Variants in MASTL observed in about 807,000 individuals in gnomAD.
MASTL encodes the protein serine/threonine-protein kinase greatwall.
A neutral mutation model predicts 82.5 loss-of-function variants in MASTL; 54 were observed. The observed-to-expected ratio is 0.65, with a 90% CI of 0.53 to 0.82. The LOEUF is 0.82. Ranked by LOEUF, MASTL falls within the 40% of genes least tolerant of loss-of-function variation. The pLI is 0.00. For missense variants in MASTL, 950 were observed against 1,047.8 expected (o/e 0.91, Z 1.29); for synonymous variants, 323 against 368.9 (o/e 0.88, Z 1.43).
rs1211085872 is a variant in MASTL, at chr10:27,159,832, C to T, written c.464+74C>T. ...ATTACATATTTGAGTCTCAGATATT[C>T]ACAGTAACCACTTGCACTTATTTCC... is the stretch of plus-strand genomic sequence containing the variant. On this transcript the variant is annotated intron_variant, in intron 3 of 11. Coordinates refer to ENST00000375940, the MANE Select transcript of MASTL (RefSeq NM_001172303.3). The surrounding 1 kb of genome is among the most constrained non-coding windows in gnomAD (Gnocchi z 4.0). The T allele has an allele frequency of 8.0e-7, 1 of 1,247,816 alleles. No individual in the cohort carries two copies. The highest frequency in any genetic ancestry group is 1.2e-6 in the Non-Finnish European group (1 of 854,662). The allele number at this position is 1,247,816 out of a possible 1,614,324, so 77.3% of individuals were successfully genotyped here.
In MASTL at chr10:27,170,374, A is replaced by T; in HGVS notation, c.1415A>T (p.Glu472Val). 1 of 1,613,962 alleles carries T rather than the reference A, an allele frequency of 6.2e-7. No individual in the cohort carries two copies. Among genetic ancestry groups the T allele is most frequent in the Non-Finnish European group, 8.5e-7 (1 of 1,179,864 alleles). Residue 472 changes from glutamate to valine, a missense_variant, in exon 8 of 12, where the codon GAA becomes GTA. Coordinates refer to ENST00000375940, the MANE Select transcript of MASTL (RefSeq NM_001172303.3). ...ACTTGTGTAGAGTATAAGCATAACG[A>T]AATGACAAATTGTTATACAAATCAA... ...KKTCVEYKHN[E>V]MTNCYTNQNT...
At position 27,155,420 on chromosome 10, in the gene MASTL, T is replaced by TC. The variant is rs748186251; in HGVS notation, c.-5dup. 6 of 1,604,236 alleles carry TC rather than the reference T, an allele frequency of 3.7e-6. No homozygotes were observed. The African/African-American group carries it at 8.0e-5, about 21-fold the overall frequency. On this transcript the variant is annotated 5_prime_UTR_variant, in exon 1 of 12. Transcript: ENST00000375940. ...GTGTCTGCGGGGCCGCTGTATGCTG[T>TC]CCAGCGATGGATCCCACCGCGGGAA... is the stretch of plus-strand genomic sequence containing the variant.
At chr10:27,179,012 T>A (rs756788370) in intron 9 of MASTL, among the ~76,000 whole-genome samples, 37 of 152,208 alleles carry the variant, frequency 2.4e-4, no homozygotes, top group Non-Finnish European at 4.7e-4. Flanking sequence ...GATTCCACAA[T>A]GCTTTCCTAG....
chr10:27,156,598 C>T (rs1314170498), intron 1 of MASTL, among the ~76,000 whole-genome samples: 1 of 152,088 alleles, frequency 6.6e-6, no homozygotes, highest in African/African-American at 2.4e-5. Flanking sequence ...CTCCTGGGTT[C>T]AAGCGATTCT....
At chr10:27,163,065 C>T (rs762546099) in intron 4 of MASTL, among the ~76,000 whole-genome samples, 2 of 151,962 alleles carry the variant, frequency 1.3e-5, no homozygotes, top group East Asian at 1.9e-4. Context: ...TATAGGTGCC[C>T]GCCACCACGC....
intron 7 of MASTL, among the ~76,000 whole-genome samples, chr10:27,167,581 G>A (rs188954076): frequency 2.0e-4 from 31 of 152,270 alleles, no homozygotes; most frequent in African/African-American, 6.5e-4. Context: ...TCCTTCCCAT[G>A]ATACAGACAT....
chr10:27,184,170 T>G (rs1564510206), intron 11 of MASTL, among the ~76,000 whole-genome samples: 1 of 152,166 alleles, frequency 6.6e-6, no homozygotes, highest in Non-Finnish European at 1.5e-5. Context: ...AGTGAACAGT[T>G]ACAGACACAA....
At chr10:27,165,704 G>A (rs1171278528) in intron 6 of MASTL, among the ~76,000 whole-genome samples, 165 bp downstream of exon 6, 2 of 151,910 alleles carry the variant, frequency 1.3e-5, no homozygotes, top group Non-Finnish European at 2.9e-5. Context: ...CAACCCAGGA[G>A]TTCAAGACCA....
chr10:27,164,783 G>A (rs1242830208), intron 4 of MASTL, among the ~76,000 whole-genome samples: 3 of 151,486 alleles, frequency 2.0e-5, no homozygotes, highest in Non-Finnish European at 4.4e-5. Context: ...GATTACAGGC[G>A]CCCACCACCA....
chr10:27,167,310 T>C (rs780539111), intron 7 of MASTL, 36 bp downstream of exon 7: 3 of 1,540,756 alleles, frequency 1.9e-6, no homozygotes, highest in Non-Finnish European at 2.7e-6. Flanking sequence ...AAATCAATTA[T>C]GTATGTCAAA....
In MASTL at chr10:27,159,491, A is replaced by G; in HGVS notation, c.325-128A>G. ...ATAAACCTAGTATTAATGTATTACGAGTAATAGCAAGAAAAGGTCGTTTCA... is the reference window on the plus strand; with the variant it reads ...ATAAACCTAGTATTAATGTATTACGGGTAATAGCAAGAAAAGGTCGTTTCA... On this transcript the variant is annotated intron_variant, in intron 2 of 11. Coordinates refer to ENST00000375940, the MANE Select transcript of MASTL (RefSeq NM_001172303.3). The surrounding 1 kb of genome is among the most constrained non-coding windows in gnomAD (Gnocchi z 4.0). 2 of 652,938 alleles carry G rather than the reference A, an allele frequency of 3.1e-6. No individual in the cohort carries two copies. The highest frequency in any genetic ancestry group is 5.4e-6 in the Non-Finnish European group (2 of 372,132). 40.4% of individuals were successfully genotyped at this position (652,938 alleles called of 1,614,324 possible). A position where few individuals can be genotyped will look rare whatever the true frequency, so the allele number is the denominator to read the frequency against.
Position 27,170,683 on chromosome 10 carries a change from G to A in MASTL, c.1724G>A (p.Gly575Glu). The A allele has an allele frequency of 6.2e-7, 1 of 1,612,084 alleles. No individual in the cohort carries two copies. Among genetic ancestry groups the A allele is most frequent in the Non-Finnish European group, 8.5e-7 (1 of 1,179,544 alleles). ...ISMNSDSSFPGISIMESPLES... is the reference protein window; with the variant it reads ...ISMNSDSSFPEISIMESPLES... ...ATGAACTCTGATTCATCTTTTCCTGGAATTTCTATAATGGAAAGTCCATTA... is the reference window on the plus strand; with the variant it reads ...ATGAACTCTGATTCATCTTTTCCTGAAATTTCTATAATGGAAAGTCCATTA... The change falls in exon 8 of 12, where the codon GGA (glycine) becomes GAA (glutamate). Residue 575 changes from glycine (G) to glutamate (E), a missense_variant. Physicochemically the swap from Gly to Glu is moderately conservative, Grantham distance 98. Transcript: ENST00000375940.
intron 9 of MASTL, among the ~76,000 whole-genome samples, 169 bp downstream of exon 9, chr10:27,173,428 C>T (rs186134574): frequency 4.3e-4 from 66 of 152,206 alleles, no homozygotes; most frequent in Non-Finnish European, 1.5e-5. Flanking sequence ...TAGCAGTAGC[C>T]ATGGCTGTCC....
At chr10:27,181,264 G>A (rs972665866) in intron 10 of MASTL, among the ~76,000 whole-genome samples, 198 bp downstream of exon 10, 9 of 152,052 alleles carry the variant, frequency 5.9e-5, no homozygotes, top group Non-Finnish European at 1.0e-4. Context: ...GTTGACGGGC[G>A]CCTGTAATCC....
rs1564497966 is a variant in MASTL at position 27,173,222 on chromosome 10, C to T, written c.2229C>T (p.Asp743=). The change falls in exon 9 of 12, where the codon GAC becomes GAT. Residue 743 remains aspartate (D), a synonymous_variant. Coordinates refer to ENST00000375940, the MANE Select transcript of MASTL (RefSeq NM_001172303.3). ...VDDGRILGTP[D]YLAPELLLGR... is the part of the protein sequence containing the mutation. The stretch of plus-strand genomic sequence containing the variant: ...ATGGGCGAATTCTAGGAACCCCAGA[C>T]TACCTTGCACCTGAGCTGTTACTAG... 1.9e-6 allele frequency: 3 copies of T among 1,614,170 alleles called. No homozygotes were observed. The highest frequency in any genetic ancestry group is 2.5e-6 in the Non-Finnish European group (3 of 1,180,024).
intron 11 of MASTL, among the ~76,000 whole-genome samples, chr10:27,182,810 A>G (rs1335677889): frequency 6.8e-6 from 1 of 146,486 alleles, no homozygotes; most frequent in Admixed American, 6.9e-5. Flanking sequence ...AACATACGTT[A>G]TTATTGCTAT....
chr10:27,166,704 G>A (rs755158971), intron 6 of MASTL, among the ~76,000 whole-genome samples: 3 of 152,068 alleles, frequency 2.0e-5, no homozygotes, highest in Non-Finnish European at 4.4e-5. Flanking sequence ...CAAGGCTGCA[G>A]TGAGAGTAAT....
chr10:27,181,801 G>A (rs1588739627), intron 11 of MASTL, among the ~76,000 whole-genome samples: 1 of 152,232 alleles, frequency 6.6e-6, no homozygotes, highest in East Asian at 1.9e-4. Context: ...TTGGCCGGGT[G>A]TGGTGGCTCA....
At chr10:27,180,809 C>A in intron 9 of MASTL, 144 bp from the exon 10 acceptor site, 1 of 696,534 alleles carries the variant, frequency 1.4e-6, no homozygotes, top group Non-Finnish European at 2.6e-6. Context: ...AGACTTGCAG[C>A]TTATCTGCTT....
Sources: allele counts gnomAD v4.1 joint callset (sites outside exome capture counted in the v4.1 genomes callset), GRCh38; gene constraint gnomAD v4.1.1; non-coding constraint Gnocchi (gnomAD v3.1); transcripts MANE v1.5; gene names NCBI Gene and HGNC (gene_info 2026-07-23, HGNC 2026-07-21).